The following WDSUB1 variants were observed in gnomAD, a reference collection of about 807,000 sequenced individuals.
WDSUB1 encodes WD repeat, sterile alpha motif and U-box domain containing 1.
WDSUB1 carries 49 observed loss-of-function variants against 53.9 expected under a neutral mutation model. The ratio of observed to expected loss-of-function variants is 0.91; its 90% CI spans 0.72 to 1.15. The LOEUF is 1.15. Ranked by LOEUF, WDSUB1 falls within the 50% of genes most tolerant of loss-of-function variation. WDSUB1 has a pLI of 0.00. For missense variants in WDSUB1, 514 were observed against 562.0 expected, an observed-to-expected ratio of 0.91 and a Z score of 0.86; for synonymous variants, 194 against 200.6, an observed-to-expected ratio of 0.97 and a Z score of 0.28.
chr2:159,284,456 C>T (rs989446614), intron 1 of WDSUB1, among the ~76,000 whole-genome samples: 9 of 152,126 alleles, frequency 5.9e-5, no homozygotes, highest in African/African-American at 1.9e-4. Flanking sequence ...AGGCTATCTG[C>T]TCCGCCTTTA....
Position 159,267,302 on chromosome 2 carries a change from CTT to C in WDSUB1, c.770+4398_770+4399del, listed in dbSNP as rs34190249. On this transcript the variant is annotated intron_variant, in intron 5 of 10. Coordinates refer to ENST00000359774, the MANE Select transcript of WDSUB1 (RefSeq NM_001128212.3). ...TCATTAGTACACCTCTTTTTTCTTT[CTT>C]TTTTTTTTTTTAAAGAGACAAGTTC... Among the ~76,000 whole-genome samples, 54 of 145,770 alleles carry C rather than the reference CTT, an allele frequency of 3.7e-4. 1 individual carries two copies. Among genetic ancestry groups the C allele is most frequent in the African/African-American group, 4.6e-4 (18 of 39,274 alleles).
chr2:159,279,755 A>G lies in WDSUB1; in HGVS notation c.583+6T>C. ...TTCTAGTGCTTAAAAGAATAAAATAACCAACCAGAAACTGGCTGTGAAGAA... is the reference window on the plus strand; with the variant it reads ...TTCTAGTGCTTAAAAGAATAAAATAGCCAACCAGAAACTGGCTGTGAAGAA... On this transcript the variant is annotated splice_donor_region_variant and intron_variant, in intron 3 of 10. Coordinates refer to ENST00000359774, the MANE Select transcript of WDSUB1 (RefSeq NM_001128212.3). 6.3e-7 allele frequency: 1 copy of G among 1,596,078 alleles called. No individual in the cohort carries two copies. Among genetic ancestry groups the G allele is most frequent in the East Asian group, 2.2e-5 (1 of 44,690 alleles).
intron 9 of WDSUB1, among the ~76,000 whole-genome samples, chr2:159,254,352 G>C (rs1209091952): frequency 6.6e-6 from 1 of 152,052 alleles, no homozygotes; most frequent in Non-Finnish European, 1.5e-5. Context: ...TTAAGGTCAG[G>C]AGTTTGAGAC....
Position 159,279,830 on chromosome 2 carries a change from A to T in WDSUB1, c.514T>A (p.Cys172Ser). The change falls in exon 3 of 11, where the codon TGT becomes AGT. Residue 172 changes from cysteine to serine, a missense_variant. Cys to Ser is a moderately radical substitution (Grantham distance 112, BLOSUM62 -1). Coordinates refer to ENST00000359774, the MANE Select transcript of WDSUB1 (RefSeq NM_001128212.3). ...DLTVWDDKMR[C>S]LHSEKAHDLG... The stretch of plus-strand genomic sequence containing the variant: ...TCATGTGCTTTTTCACTATGCAGAC[A>T]CCTCATTTTATCATCCCACACTGTT... The T allele has an allele frequency of 6.2e-7, 1 of 1,612,868 alleles. No individual in the cohort carries two copies. The highest frequency in any genetic ancestry group is 8.5e-7 in the Non-Finnish European group (1 of 1,179,156).
At chr2:159,279,665 AATG>A in intron 3 of WDSUB1, 93 bp downstream of exon 3, 2 of 1,133,156 alleles carry the variant, frequency 1.8e-6, no homozygotes, top group Non-Finnish European at 2.4e-6. Context: ...TCACTCTACT[AATG>A]ATAACATAAA....
chr2:159,253,286 C>T (rs376751112), intron 9 of WDSUB1, among the ~76,000 whole-genome samples: 2 of 152,136 alleles, frequency 1.3e-5, no homozygotes, highest in South Asian at 2.1e-4. Context: ...GTACTCTGTC[C>T]AGACATTCCT....
chr2:159,284,414 A>G (rs2061743596), intron 1 of WDSUB1, among the ~76,000 whole-genome samples: 8 of 152,192 alleles, frequency 5.3e-5, no homozygotes, highest in Admixed American at 5.2e-4. Flanking sequence ...CTAATAAACT[A>G]TCTTAGCTGT....
At chr2:159,266,275 G>A (rs565611882) in intron 5 of WDSUB1, among the ~76,000 whole-genome samples, 444 of 151,750 alleles carry the variant, frequency 2.9e-3, no homozygotes, top group Non-Finnish European at 3.2e-3. Context: ...CGCAAGCACC[G>A]CCTCCCGGGT....
At chr2:159,267,139 T>C (rs147513191) in intron 5 of WDSUB1, among the ~76,000 whole-genome samples, 9 of 152,292 alleles carry the variant, frequency 5.9e-5, no homozygotes, top group African/African-American at 1.9e-4. Context: ...TTTATTTGAA[T>C]GTTTATTATA....
chr2:159,261,780 G>A (rs1266856105), intron 5 of WDSUB1, among the ~76,000 whole-genome samples: 8 of 144,494 alleles, frequency 5.5e-5, no homozygotes, highest in African/African-American at 2.1e-4. Flanking sequence ...TGGGGGTCAG[G>A]AGCATGTTAA....
At chr2:159,282,414 G>A (rs1296901640) in intron 2 of WDSUB1, among the ~76,000 whole-genome samples, 4 of 152,226 alleles carry the variant, frequency 2.6e-5, no homozygotes, top group Admixed American at 2.0e-4. Context: ...GGATGGTCTC[G>A]ATCTCCTGAC....
At chr2:159,265,223 T>C (rs781672619) in intron 5 of WDSUB1, among the ~76,000 whole-genome samples, 1 of 147,408 alleles carries the variant, frequency 6.8e-6, no homozygotes, top group Non-Finnish European at 1.5e-5. Context: ...GCCCAGGAAG[T>C]CAAGGCTCCA....
intron 10 of WDSUB1, among the ~76,000 whole-genome samples, chr2:159,238,878 TCCCGCAGCCACTGAGTCTTCCTAC>T (rs564100356): frequency 3.9e-4 from 59 of 152,350 alleles, no homozygotes; most frequent in Non-Finnish European, 6.5e-4. Flanking sequence ...AAAGCTGATA[TCCCGCAGCCACTGAGTCTTCCTAC>T]CCCTCAGCAT....
In WDSUB1 at chr2:159,256,363, T is replaced by C. The variant is rs192315893; in HGVS notation, c.965A>G (p.Glu322Gly). 6.2e-6 allele frequency: 10 copies of C among 1,610,660 alleles called. No individual in the cohort carries two copies. The highest frequency in any genetic ancestry group is 7.6e-6 in the Non-Finnish European group (9 of 1,179,126). Residue 322 changes from glutamate (E) to glycine (G), a missense_variant, in exon 9 of 11, where the codon GAA becomes GGA. Glu to Gly is a moderately conservative substitution (Grantham distance 98, BLOSUM62 -2). Coordinates refer to ENST00000359774, the MANE Select transcript of WDSUB1 (RefSeq NM_001128212.3). ...LETLCQARRT[E>G]HQLKQFTEDW... ...TTCGGTAAATTGCTTCAGCTGATGT[T>C]CTGTGCGCCTTGCTTAAAATAAACA...
Position 159,271,746 on chromosome 2 carries a change from A to T in WDSUB1, c.726T>A (p.Val242=). Reference sequence around the variant, plus strand: ...CATCATGGGAAAAAGCACAAGCCAGAACAGGAGCACAGTGCCCACTCAGTG... The same window carrying T: ...CATCATGGGAAAAAGCACAAGCCAGTACAGGAGCACAGTGCCCACTCAGTG... ...KSTLSGHCAP[V]LACAFSHDGQ... is the part of the protein sequence containing the mutation. Residue 242 remains valine (V), a synonymous_variant, in exon 5 of 11, where the codon GTT becomes GTA. Transcript: ENST00000359774. 1 of 1,614,224 alleles carries T rather than the reference A, an allele frequency of 6.2e-7. No homozygotes were observed. Among genetic ancestry groups the T allele is most frequent in the Non-Finnish European group, 8.5e-7 (1 of 1,180,028 alleles).
In WDSUB1 at chr2:159,275,598, AC is replaced by A; in HGVS notation, c.623del (p.Cys208LeufsTer18). ...AAATTTTGACTTGGCAATCCTGACC[AC>A]ATGATGCCAGTCGAAAAAACTGAAG... ...QGLQFFRLAS[C>X]GQDCQVKIWI... is the part of the protein sequence containing the mutation. On this transcript the variant is annotated frameshift_variant, in exon 4 of 11. Coordinates refer to ENST00000359774, the MANE Select transcript of WDSUB1 (RefSeq NM_001128212.3). LOFTEE classifies it high-confidence loss of function. The A allele has an allele frequency of 6.2e-7, 1 of 1,608,004 alleles. No homozygotes were observed. Among genetic ancestry groups the A allele is most frequent in the Non-Finnish European group, 8.5e-7 (1 of 1,178,390 alleles).
chr2:159,240,800 T>C (rs1440635639), intron 10 of WDSUB1, among the ~76,000 whole-genome samples: 1 of 152,170 alleles, frequency 6.6e-6, no homozygotes, highest in African/African-American at 2.4e-5. Context: ...GCTCTTACTC[T>C]CCCTGTACAC....
rs775425811 is a variant in WDSUB1 at position 159,256,298 on chromosome 2, G to T, written c.1030C>A (p.Gln344Lys). The T allele has an allele frequency of 1.9e-6, 3 of 1,612,164 alleles. No individual in the cohort carries two copies. In the East Asian group the frequency reaches 6.7e-5, roughly 36 times the overall value. Residue 344 changes from glutamine to lysine, a missense_variant, in exon 9 of 11, where the codon CAA becomes AAA. Transcript: ENST00000359774. ...EEDVSTWLCA[Q>K]DLKDLVGIFK... ...ATACCAACAAGATCTTTTAAATCTT[G>T]TGCACAAAGCCATGTTGAGACATCC...
intron 9 of WDSUB1, among the ~76,000 whole-genome samples, chr2:159,252,967 T>C (rs893599241): frequency 1.3e-5 from 2 of 152,232 alleles, no homozygotes; most frequent in Non-Finnish European, 2.9e-5. Flanking sequence ...CCTTAGCATT[T>C]GTCATTTTAA....
Sources: gnomAD v4.1 joint callset for allele counts (sites outside exome capture counted in the v4.1 genomes callset) on GRCh38, gnomAD v4.1.1 for gene constraint, MANE v1.5 for transcripts, NCBI Gene and HGNC (gene_info 2026-07-23, HGNC 2026-07-21) for gene names.